Variants in SI observed in about 807,000 individuals in gnomAD.
SI encodes the protein sucrase-isomaltase, intestinal.
Under a neutral mutation model 253.3 loss-of-function variants are expected in SI, and 235 were observed. The ratio of observed to expected loss-of-function variants is 0.93; its 90% CI spans 0.83 to 1.03. The LOEUF (loss-of-function observed/expected upper bound fraction) is 1.03. Among genes scored for constraint, SI ranks in the 50% least tolerant of loss-of-function variants. The pLI is 0.00. For synonymous variants in SI, 819 were observed against 712.0 expected, an observed-to-expected ratio of 1.15 and a Z score of -2.39; for missense variants, 2,442 against 2,211.1, an observed-to-expected ratio of 1.10 and a Z score of -2.09.
chr3:165,032,393 AGAAGGAAGCAAC>A, intron 24 of SI, 117 bp downstream of exon 24: 1 of 590,168 alleles, frequency 1.7e-6, no homozygotes, highest in Non-Finnish European at 2.9e-6. Context: ...AATGAAGGGA[AGAAGGAAGCAAC>A]GAAGGGAAGA....
At chr3:165,040,086 G>C (rs1478039336) in intron 18 of SI, 115 bp from the exon 19 acceptor site, 1 of 805,304 alleles carries the variant, frequency 1.2e-6, no homozygotes, top group East Asian at 2.5e-5. Context: ...CTTGAATTGT[G>C]CTTGTTTCAG....
intron 20 of SI, among the ~76,000 whole-genome samples, chr3:165,038,436 G>A (rs974048526): frequency 6.6e-6 from 1 of 151,494 alleles, no homozygotes; most frequent in Non-Finnish European, 1.5e-5. Flanking sequence ...CAGGCCAGGC[G>A]CAGTGGCTCA....
rs184082439 is a variant in SI, at chr3:165,060,925, A to G, written c.1021-898T>C. On this transcript the variant is annotated intron_variant, in intron 9 of 47. Transcript: ENST00000264382. ...CATGATACATATGTAAAAAGTTACTAGGTAACAATCAAAAAGAAATTAATT... is the reference window on the plus strand; with the variant it reads ...CATGATACATATGTAAAAAGTTACTGGGTAACAATCAAAAAGAAATTAATT... Among the ~76,000 whole-genome samples the G allele has an allele frequency of 1.5e-3, 228 of 149,238 alleles. 3 individuals are homozygous for G. The highest frequency in any genetic ancestry group is 5.4e-3 in the African/African-American group (222 of 41,066).
At chr3:165,040,864 C>A in intron 18 of SI, 76 bp downstream of exon 18, 3 of 1,156,048 alleles carry the variant, frequency 2.6e-6, no homozygotes, top group South Asian at 1.3e-5. Context: ...TCTTGATTTA[C>A]CTCCATTAAA....
rs1201394550 is a variant in SI, at chr3:165,040,930, T to C, written c.2159+10A>G. ...AAGGTATTATTATAATTATTGTACGTAGTACTCACTCATGAAGAACTGGTC... is the reference window on the plus strand; with the variant it reads ...AAGGTATTATTATAATTATTGTACGCAGTACTCACTCATGAAGAACTGGTC... On this transcript the variant is annotated intron_variant, in intron 18 of 47. Transcript: ENST00000264382. 2 of 1,595,898 alleles carry C rather than the reference T, an allele frequency of 1.3e-6. No individual in the cohort carries two copies. Among genetic ancestry groups the C allele is most frequent in the East Asian group, 4.5e-5 (2 of 44,606 alleles).
intron 16 of SI, 30 bp downstream of exon 16, chr3:165,046,811 T>C: frequency 6.4e-7 from 1 of 1,553,452 alleles, no homozygotes; most frequent in Non-Finnish European, 8.9e-7. Flanking sequence ...TTGTAGCTTT[T>C]ATGAGTAACA....
chr3:164,992,036 A>C, intron 43 of SI, 141 bp downstream of exon 43: 2 of 748,754 alleles, frequency 2.7e-6, no homozygotes, highest in Non-Finnish European at 4.8e-6. Context: ...AATTCAATTC[A>C]GCTATAATTT....
rs768822526 is a variant in SI, at chr3:165,021,276, T to TAA, written c.3206_3207insTT (p.Glu1069AspfsTer2). 1.9e-6 allele frequency: 3 copies of TAA among 1,611,518 alleles called. No individual in the cohort carries two copies. The African/African-American group carries it at 4.0e-5, about 22-fold the overall frequency. On this transcript the variant is annotated frameshift_variant, in exon 27 of 48. Coordinates refer to ENST00000264382, the MANE Select transcript of SI (RefSeq NM_001041.4). LOFTEE classifies it high-confidence loss of function. ...GTCGAATCTGGATGCCAAAAGGATT[T>TAA]TCCTTGATTTCCACATCATAAAGTC...
rs774109373 is a variant in SI, at chr3:165,019,759, C to A, written c.3266G>T (p.Trp1089Leu). The part of the protein sequence containing the change: ...RSSGRVIWDS[W>L]LPGFAFNDQF... ...GTCATTAAAAGCAAATCCAGGCAGC[C>A]AAGAATCCCAACTGAAAACAAAAGA... The change falls in exon 28 of 48, where the codon TGG becomes TTG. Residue 1089 changes from tryptophan to leucine, a missense_variant. Trp to Leu is a moderately conservative substitution (Grantham distance 61). Transcript: ENST00000264382. The A allele has an allele frequency of 5.6e-6, 9 of 1,612,164 alleles. No homozygotes were observed. Among genetic ancestry groups the A allele is most frequent in the Non-Finnish European group, 7.6e-6 (9 of 1,178,792 alleles).
At chr3:165,003,481 A>C (rs1718352283) in intron 37 of SI, among the ~76,000 whole-genome samples, 1 of 152,186 alleles carries the variant, frequency 6.6e-6, no homozygotes, top group South Asian at 2.1e-4. Flanking sequence ...AAAATAACTT[A>C]GTGTTTTATT....
intron 20 of SI, among the ~76,000 whole-genome samples, chr3:165,038,610 A>C (rs1712662344): frequency 6.6e-6 from 1 of 151,904 alleles, no homozygotes; most frequent in Admixed American, 6.6e-5. Flanking sequence ...AATTGAAAAA[A>C]TGGATGGTGT....
chr3:165,034,969 A>C (rs1053687017), intron 22 of SI, among the ~76,000 whole-genome samples: 2 of 151,996 alleles, frequency 1.3e-5, no homozygotes, highest in Admixed American at 6.6e-5. Flanking sequence ...ACAGTGGGGG[A>C]ACTGATGAGA....
At chr3:165,084,592 T>C in the SI span, among the ~76,000 whole-genome samples, 1 of 151,920 alleles carries the variant, frequency 6.6e-6, no homozygotes, top group Non-Finnish European at 1.5e-5. Context: ...TTTATAATTA[T>C]CACTATAAAT....
At position 165,022,376 on chromosome 3, in the gene SI, T is replaced by C. The variant is rs1050114815; in HGVS notation, c.3100-993A>G. ...ATATGCAGCTAAATTTATTTTAGGC[T>C]TATGTTTAGTTTTCACATGGAACTC... On this transcript the variant is annotated intron_variant, in intron 26 of 47. Coordinates refer to ENST00000264382, the MANE Select transcript of SI (RefSeq NM_001041.4). Among the ~76,000 whole-genome samples the C allele has an allele frequency of 1.5e-4, 23 of 151,778 alleles. No individual in the cohort carries two copies. In the South Asian group the frequency reaches 4.1e-3, roughly 27 times the overall value.
chr3:164,988,953 T>C (rs936560209), intron 44 of SI, among the ~76,000 whole-genome samples: 7 of 151,998 alleles, frequency 4.6e-5, no homozygotes, highest in Non-Finnish European at 1.0e-4. Context: ...AAATCTGGGA[T>C]AGCCTTCATC....
At chr3:164,996,882 C>A (rs147980815) in intron 38 of SI, 110 bp from the exon 39 acceptor site, 159 of 575,070 alleles carry the variant, frequency 2.8e-4, no homozygotes, top group African/African-American at 2.7e-3. Context: ...ACCTCCAAAC[C>A]TGAAACATTT....
intron 37 of SI, 35 bp downstream of exon 37, chr3:165,006,781 A>G: frequency 1.3e-6 from 2 of 1,583,766 alleles, no homozygotes; most frequent in Non-Finnish European, 1.7e-6. Context: ...CAAAGAATAA[A>G]AGAGTCAGAG....
At chr3:165,064,874 G>A (rs1714160775) in intron 7 of SI, among the ~76,000 whole-genome samples, 1 of 152,066 alleles carries the variant, frequency 6.6e-6, no homozygotes, top group Non-Finnish European at 1.5e-5. Context: ...AGATGCGTGA[G>A]ATAATATCTG....
intron 47 of SI, among the ~76,000 whole-genome samples, chr3:164,981,681 C>A (rs891291538): frequency 1.3e-5 from 2 of 152,060 alleles, no homozygotes; most frequent in Non-Finnish European, 2.9e-5. Context: ...CTGGAAGGAG[C>A]TTAAGAGATT....
Sources: gnomAD v4.1 joint callset for allele counts (sites outside exome capture counted in the v4.1 genomes callset) on GRCh38, gnomAD v4.1.1 for gene constraint, MANE v1.5 for transcripts, NCBI Gene and HGNC (gene_info 2026-07-23, HGNC 2026-07-21) for gene names.